EML6: variants seen among roughly 807,000 people sequenced by gnomAD.
EML6 encodes EMAP like 6.
A neutral mutation model predicts 240.1 loss-of-function variants in EML6; 154 were observed. The observed-to-expected ratio is 0.64, with a 90% confidence interval of 0.56 to 0.73. EML6 has a LOEUF of 0.73. EML6 is among the 30% of genes least tolerant of loss of function. The pLI, the probability that EML6 is intolerant of heterozygous loss-of-function variation, is 0.00. For synonymous variants in EML6, 1,148 were observed against 899.0 expected (o/e 1.28, Z -4.95); for missense variants, 2,964 against 2,474.6 (o/e 1.20, Z -4.20).
intron 2 of EML6, among the ~76,000 whole-genome samples, chr2:54,785,270 G>C (rs1463959507): frequency 1.3e-5 from 2 of 151,026 alleles, no homozygotes; most frequent in African/African-American, 4.9e-5. Context: ...CTGCCACCCA[G>C]GTTCAAGTGA....
chr2:54,829,844 A>G (rs1668779875), intron 7 of EML6, among the ~76,000 whole-genome samples: 1 of 152,240 alleles, frequency 6.6e-6, no homozygotes, highest in African/African-American at 2.4e-5. Context: ...TTTGTTTTAA[A>G]TAGCTTTAAA....
intron 2 of EML6, among the ~76,000 whole-genome samples, chr2:54,806,356 T>C (rs1053176193): frequency 6.6e-6 from 1 of 152,014 alleles, no homozygotes; most frequent in Non-Finnish European, 1.5e-5. Flanking sequence ...CTCACACTTG[T>C]AATCCCAGCA....
intron 11 of EML6, among the ~76,000 whole-genome samples, chr2:54,856,560 G>A (rs1480515883): frequency 6.6e-6 from 1 of 152,204 alleles, no homozygotes; most frequent in Non-Finnish European, 1.5e-5. Flanking sequence ...CAGAAATCTT[G>A]GATCTTAGAT....
rs1669629781 is a variant in EML6, at chr2:54,844,230, G to T, written c.1031G>T (p.Ser344Ile). 1 of 1,551,548 alleles carries T rather than the reference G, an allele frequency of 6.4e-7. No homozygotes were observed. The highest frequency in any genetic ancestry group is 8.7e-7 in the Non-Finnish European group (1 of 1,146,970). The change falls in exon 8 of 42, where the codon AGC (serine) becomes ATC (isoleucine). Residue 344 changes from serine (S) to isoleucine (I), a missense_variant. Transcript: ENST00000356458. ...HPKKPLAVTGSDDRSVRLWSL... is the reference protein window; with the variant it reads ...HPKKPLAVTGIDDRSVRLWSL... ...AAGAAGCCTCTGGCTGTGACAGGCA[G>T]CGATGACCGCTCTGTCAGGTGAGGC... is the stretch of plus-strand genomic sequence containing the variant.
At chr2:54,812,684 C>G (rs544112560) in intron 2 of EML6, among the ~76,000 whole-genome samples, 25 of 152,136 alleles carry the variant, frequency 1.6e-4, no homozygotes, top group Admixed American at 1.6e-3. Flanking sequence ...TCACAGTGAT[C>G]TATGTAAAAT....
Position 54,829,495 on chromosome 2 carries a change from C to G in EML6, c.847+18C>G, listed in dbSNP as rs1388257295. ...ATACAAAGGTAATATATGTGTTAAG[C>G]TTACCTGTAACTCTGGATGTGAAAT... On this transcript the variant is annotated intron_variant, in intron 7 of 41. Transcript: ENST00000356458. The G allele has an allele frequency of 5.9e-6, 9 of 1,534,484 alleles. No individual in the cohort carries two copies. Among genetic ancestry groups the G allele is most frequent in the South Asian group, 4.8e-5 (4 of 82,962 alleles).
chr2:54,811,498 A>G (rs992403219), intron 2 of EML6, among the ~76,000 whole-genome samples: 2 of 152,138 alleles, frequency 1.3e-5, no homozygotes, highest in African/African-American at 4.8e-5. Context: ...TTTCTGTGTT[A>G]CTGTGTATGT....
chr2:54,943,372 C>T (rs1308402381), intron 28 of EML6, among the ~76,000 whole-genome samples: 1 of 152,208 alleles, frequency 6.6e-6, no homozygotes, highest in Non-Finnish European at 1.5e-5. Flanking sequence ...CACTCTCCCA[C>T]AGCCAGATCC....
chr2:54,936,777 A>C (rs1228518680), intron 28 of EML6, among the ~76,000 whole-genome samples: 1 of 152,186 alleles, frequency 6.6e-6, no homozygotes, highest in Non-Finnish European at 1.5e-5. Flanking sequence ...TATTTTACTT[A>C]TAGCATTTTT....
intron 17 of EML6, among the ~76,000 whole-genome samples, chr2:54,890,670 C>G (rs145924157): frequency 6.6e-6 from 1 of 152,308 alleles, no homozygotes; most frequent in East Asian, 1.9e-4. Context: ...TACTCTCTTT[C>G]CTCCTGCACA....
At chr2:54,868,164 C>T (rs530453890) in intron 14 of EML6, 1 of 152,166 alleles carries the variant, frequency 6.6e-6, no homozygotes, top group Non-Finnish European at 1.5e-5. Context: ...TAAAATGTTA[C>T]TGAAATAAAT....
intron 21 of EML6, among the ~76,000 whole-genome samples, chr2:54,896,912 C>T (rs1456948246): frequency 6.6e-6 from 1 of 152,164 alleles, no homozygotes; most frequent in Non-Finnish European, 1.5e-5. Context: ...AAAAACAAAC[C>T]TCGAAAGCTC....
At chr2:54,886,924 G>C (rs1672178732) in intron 17 of EML6, among the ~76,000 whole-genome samples, 1 of 152,126 alleles carries the variant, frequency 6.6e-6, no homozygotes, top group African/African-American at 2.4e-5. Flanking sequence ...AGAGAGTAGG[G>C]AGGCAGTAGG....
At chr2:54,799,081 G>A (rs1330087393) in intron 2 of EML6, among the ~76,000 whole-genome samples, 1 of 151,924 alleles carries the variant, frequency 6.6e-6, no homozygotes, top group Non-Finnish European at 1.5e-5. Context: ...ATTTTTTTGA[G>A]ACGGAGTCTT....
At chr2:54,824,784 A>G (rs887558324) in intron 5 of EML6, among the ~76,000 whole-genome samples, 3 of 152,178 alleles carry the variant, frequency 2.0e-5, no homozygotes, top group African/African-American at 7.2e-5. Context: ...ACCTAGGGCT[A>G]GATGAACTCA....
intron 7 of EML6, among the ~76,000 whole-genome samples, chr2:54,834,942 T>A (rs1216300505): frequency 1.3e-5 from 2 of 152,208 alleles, no homozygotes; most frequent in Non-Finnish European, 2.9e-5. Flanking sequence ...ATAATTGCTT[T>A]CCTCAAAACC....
Position 54,958,009 on chromosome 2 carries a change from G to C in EML6, c.4695+11G>C. 1 of 1,544,408 alleles carries C rather than the reference G, an allele frequency of 6.5e-7. No individual in the cohort carries two copies. Among genetic ancestry groups the C allele is most frequent in the South Asian group, 1.2e-5 (1 of 83,472 alleles). ...GTGGCCTTCGGTGCTGTGAGTTCTA[G>C]CAGATACTCCCTGAGAAGGGGACCC... On this transcript the variant is annotated intron_variant, in intron 33 of 41. Coordinates refer to ENST00000356458, the MANE Select transcript of EML6 (RefSeq NM_001039753.4).
intron 11 of EML6, 102 bp downstream of exon 11, chr2:54,853,957 A>C (rs1365634152): frequency 3.3e-6 from 2 of 613,636 alleles, no homozygotes; most frequent in East Asian, 3.1e-5. Flanking sequence ...TGCACTGTTT[A>C]TTTTATCTTG....
At chr2:54,772,445 A>G (rs183884063) in intron 2 of EML6, among the ~76,000 whole-genome samples, 2 of 152,304 alleles carry the variant, frequency 1.3e-5, no homozygotes, top group East Asian at 3.9e-4. Context: ...ATTATAAAAC[A>G]TTTCATGTCA....
Sources: allele counts gnomAD v4.1 joint callset (sites outside exome capture counted in the v4.1 genomes callset), GRCh38; gene constraint gnomAD v4.1.1; transcripts MANE v1.5; gene names NCBI Gene and HGNC (gene_info 2026-07-23, HGNC 2026-07-21).